SPATA16: variants seen among roughly 807,000 people sequenced by gnomAD.
SPATA16 encodes spermatogenesis-associated protein 16.
Under a neutral mutation model 63.3 loss-of-function variants are expected in SPATA16, and 36 were observed. That is an observed-to-expected ratio of 0.57 (90% CI 0.44 to 0.75). The LOEUF is 0.75. Among genes scored for constraint, SPATA16 ranks in the 30% least tolerant of loss-of-function variants. The pLI, the probability that SPATA16 is intolerant of heterozygous loss-of-function variation, is 0.00. For synonymous variants in SPATA16, 203 were observed against 216.7 expected (o/e 0.94, Z 0.56); for missense variants, 646 against 679.3 (o/e 0.95, Z 0.54).
intron 2 of SPATA16, among the ~76,000 whole-genome samples, chr3:173,095,052 T>C (rs892651575): frequency 6.6e-6 from 1 of 152,182 alleles, no homozygotes; most frequent in African/African-American, 2.4e-5. Flanking sequence ...AGTTACTACA[T>C]ATTTGGAAAC....
chr3:172,936,471 C>T (rs1033135041), intron 6 of SPATA16, among the ~76,000 whole-genome samples: 3 of 152,156 alleles, frequency 2.0e-5, no homozygotes, highest in African/African-American at 7.2e-5. Flanking sequence ...ACATGCTTCT[C>T]TTTCATTTGG....
In SPATA16 at chr3:173,117,231, G is replaced by A; in HGVS notation, c.501C>T (p.Ser167=). ...GCCATTTGTCAATCTGAGGCAGAAAGCTGAAATTATGTACACTCAAAGGGT... is the reference window on the plus strand; with the variant it reads ...GCCATTTGTCAATCTGAGGCAGAAAACTGAAATTATGTACACTCAAAGGGT... The part of the protein sequence containing the change: ...IVDPLSVHNF[S]FLPQIDKWLQ... The change falls in exon 2 of 11, where the codon AGC becomes AGT. Residue 167 remains serine, a synonymous_variant. Coordinates refer to ENST00000351008, the MANE Select transcript of SPATA16 (RefSeq NM_031955.6). 6.2e-7 allele frequency: 1 copy of A among 1,614,164 alleles called. No individual in the cohort carries two copies. Among genetic ancestry groups the A allele is most frequent in the African/African-American group, 1.3e-5 (1 of 75,040 alleles).
chr3:172,988,520 A>G (rs561126394), intron 4 of SPATA16, among the ~76,000 whole-genome samples: 2 of 152,222 alleles, frequency 1.3e-5, no homozygotes, highest in Non-Finnish European at 2.9e-5. Flanking sequence ...ACCCTCACTC[A>G]CTTTCCAAGA....
intron 6 of SPATA16, among the ~76,000 whole-genome samples, chr3:172,954,969 T>C (rs1317058659): frequency 1.3e-5 from 2 of 152,208 alleles, no homozygotes; most frequent in Non-Finnish European, 2.9e-5. Context: ...CTCTAGCAGT[T>C]TGTAATTATA....
intron 9 of SPATA16, among the ~76,000 whole-genome samples, chr3:172,915,189 T>C (rs1732453435): frequency 6.6e-6 from 1 of 152,160 alleles, no homozygotes; most frequent in Admixed American, 6.6e-5. Flanking sequence ...GAAAGTATTA[T>C]TGCCAGTTTT....
intron 2 of SPATA16, among the ~76,000 whole-genome samples, chr3:173,056,712 A>G (rs1297933124): frequency 6.9e-6 from 1 of 145,370 alleles, no homozygotes; most frequent in East Asian, 1.9e-4. Flanking sequence ...TTTCAAAAAA[A>G]AAAAAAAAAA....
chr3:172,909,986 T>C (rs866967499), intron 10 of SPATA16, among the ~76,000 whole-genome samples: 3 of 152,276 alleles, frequency 2.0e-5, no homozygotes, highest in Non-Finnish European at 2.9e-5. Flanking sequence ...AAGTTAATAA[T>C]TGGATTATTG....
intron 5 of SPATA16, among the ~76,000 whole-genome samples, chr3:172,975,960 G>C (rs2108250285): frequency 6.6e-6 from 1 of 152,136 alleles, no homozygotes; most frequent in Non-Finnish European, 1.5e-5. Context: ...AGCTTCAGAA[G>C]GCTGTTGATG....
intron 2 of SPATA16, among the ~76,000 whole-genome samples, chr3:173,057,111 TTTTC>T (rs796900172): frequency 5.2e-4 from 71 of 136,246 alleles, no homozygotes; most frequent in African/African-American, 1.7e-3. Context: ...TTTTCTTTTC[TTTTC>T]TTTTTTTTTT....
intron 4 of SPATA16, among the ~76,000 whole-genome samples, chr3:173,014,634 C>G (rs1279277318): frequency 1.3e-5 from 2 of 152,166 alleles, no homozygotes; most frequent in Non-Finnish European, 2.9e-5. Context: ...TTGGAATGCT[C>G]TGAAGTTATA....
chr3:172,928,789 GA>G (rs1446541351), intron 6 of SPATA16, among the ~76,000 whole-genome samples: 1 of 152,094 alleles, frequency 6.6e-6, no homozygotes, highest in Admixed American at 6.6e-5. Context: ...ACTTCCAGTT[GA>G]AGTTTTAAAA....
At chr3:173,041,393 T>G (rs934462975) in intron 3 of SPATA16, among the ~76,000 whole-genome samples, 1 of 152,140 alleles carries the variant, frequency 6.6e-6, no homozygotes, top group Admixed American at 6.6e-5. Flanking sequence ...TCATTGAGCC[T>G]TTCTTTTAAG....
intron 2 of SPATA16, among the ~76,000 whole-genome samples, chr3:173,075,635 C>G (rs142706060): frequency 5.3e-5 from 8 of 151,990 alleles, no homozygotes; most frequent in Non-Finnish European, 1.0e-4. Context: ...AGGGATGGAA[C>G]GGGAAGACAT....
chr3:172,945,637 A>G (rs1499636), intron 6 of SPATA16, among the ~76,000 whole-genome samples: 13,257 of 152,128 alleles, frequency 0.087, 1,924 homozygotes, highest in African/African-American at 0.3. Flanking sequence ...CCTTGTCACA[A>G]TGGAAAGCAA....
chr3:173,027,555 T>A (rs971424396), intron 3 of SPATA16, among the ~76,000 whole-genome samples: 2 of 151,898 alleles, frequency 1.3e-5, no homozygotes, highest in Admixed American at 6.6e-5. Context: ...AATTCTTGCT[T>A]TTTTTCTCTG....
chr3:173,107,441 A>C (rs1737645529), intron 2 of SPATA16, among the ~76,000 whole-genome samples: 1 of 147,732 alleles, frequency 6.8e-6, no homozygotes, highest in East Asian at 2.0e-4. Flanking sequence ...TGTGATGAAA[A>C]TCTCTCTCTC....
chr3:172,959,844 A>G (rs1020638865), intron 5 of SPATA16, among the ~76,000 whole-genome samples: 1 of 146,862 alleles, frequency 6.8e-6, no homozygotes, highest in South Asian at 2.1e-4. Context: ...ATTGAATGGC[A>G]TTATTGAATA....
intron 2 of SPATA16, among the ~76,000 whole-genome samples, chr3:173,094,567 T>C (rs1332860614): frequency 6.6e-6 from 1 of 152,196 alleles, no homozygotes; most frequent in African/African-American, 2.4e-5. Flanking sequence ...TAAAGGTTTT[T>C]GGATTAATCT....
intron 3 of SPATA16, among the ~76,000 whole-genome samples, chr3:173,035,107 G>C (rs1384545398): frequency 2.0e-5 from 3 of 152,110 alleles, no homozygotes; most frequent in Non-Finnish European, 4.4e-5. Flanking sequence ...AGCATATATT[G>C]TGTTGTGTTT....
Sources: allele counts gnomAD v4.1 joint callset (sites outside exome capture counted in the v4.1 genomes callset), GRCh38; gene constraint gnomAD v4.1.1; transcripts MANE v1.5; gene names NCBI Gene and HGNC (gene_info 2026-07-23, HGNC 2026-07-21).